Variants in NRK observed in about 807,000 individuals in gnomAD.
The protein encoded by NRK is nik-related protein kinase.
A neutral mutation model predicts 125.2 loss-of-function variants in NRK; 67 were observed. The observed-to-expected ratio is 0.54, with a 90% CI of 0.44 to 0.66. The LOEUF (loss-of-function observed/expected upper bound fraction) is 0.66, where lower values mean the gene tolerates loss of function less well. Among genes scored for constraint, NRK ranks in the 30% least tolerant of loss-of-function variants. The pLI, the probability that NRK is intolerant of heterozygous loss-of-function variation, is 0.00. For synonymous variants in NRK, 458 were observed against 429.0 expected (o/e 1.07, Z -0.84); for missense variants, 1,224 against 1,192.9 (o/e 1.03, Z -0.38).
chrX:105,879,795 A>G (rs2039862760), intron 2 of NRK, among the ~76,000 whole-genome samples: 2 of 111,203 alleles, frequency 1.8e-5, no homozygotes, highest in South Asian at 7.5e-4. Context: ...GTTTAGTACA[A>G]CAACTCGTTT....
chrX:105,934,801 G>C (rs1383828560), intron 20 of NRK, among the ~76,000 whole-genome samples: 1 of 111,858 alleles, frequency 8.9e-6, no homozygotes, highest in Non-Finnish European at 1.9e-5. Flanking sequence ...ACAATAAAAG[G>C]AAAGAAATTT....
chrX:105,880,123 T>C, intron 2 of NRK, 76 bp from the exon 3 acceptor site: 1 of 426,276 alleles, frequency 2.3e-6, no homozygotes, highest in Non-Finnish European at 3.9e-6. Flanking sequence ...AATTTTAATA[T>C]TTTCTACTTT....
chrX:105,932,375 C>T (rs2040606844), intron 19 of NRK, among the ~76,000 whole-genome samples: 1 of 111,758 alleles, frequency 8.9e-6, no homozygotes, highest in Non-Finnish European at 1.9e-5. Flanking sequence ...ATCATGTAAT[C>T]AGGCTATGCT....
At chrX:105,844,019 CTGTG>C (rs1178483710) in intron 2 of NRK, among the ~76,000 whole-genome samples, 6,303 of 63,108 alleles carry the variant, frequency 0.1, 464 homozygotes, top group African/African-American at 0.29. Flanking sequence ...GTGTGTGTGT[CTGTG>C]TGTGTGTGTG....
chrX:105,827,655 TA>T (rs1177839185), intron 1 of NRK, among the ~76,000 whole-genome samples: 1 of 112,173 alleles, frequency 8.9e-6, no homozygotes, highest in Non-Finnish European at 1.9e-5. Flanking sequence ...CTAGGACTTT[TA>T]AACTGCAGGA....
rs182360321 is a variant in NRK at position 105,886,832 on chromosome X, A to G, written c.253-1462A>G. Among the ~76,000 whole-genome samples the G allele has an allele frequency of 4.1e-4, 46 of 111,129 alleles. No individual in the cohort carries two copies. In the East Asian group the frequency reaches 0.012, roughly 29 times the overall value. ...TAAAAGATCAGCACAGAACAAACCA[A>G]TACCTTTAAAATGTAAAGGATTACC... On this transcript the variant is annotated intron_variant, in intron 4 of 28. Coordinates refer to ENST00000243300, the MANE Select transcript of NRK (RefSeq NM_198465.4).
intron 25 of NRK, 31 bp downstream of exon 25, chrX:105,946,046 C>G (rs768366547): frequency 1.4e-5 from 16 of 1,175,391 alleles, no homozygotes; most frequent in East Asian, 6.0e-5. Context: ...AAACAGAATG[C>G]AGGGTCATAC....
chrX:105,848,617 A>G (rs374010014), intron 2 of NRK, among the ~76,000 whole-genome samples: 7 of 112,389 alleles, frequency 6.2e-5, no homozygotes, highest in African/African-American at 2.3e-4. Context: ...TCATCAAAAT[A>G]CAAGGAGAAA....
intron 1 of NRK, 91 bp downstream of exon 1, chrX:105,822,993 C>G (rs2039042546): frequency 1.2e-6 from 1 of 834,691 alleles, no homozygotes; most frequent in Non-Finnish European, 1.7e-6. Flanking sequence ...TCAAAACGGG[C>G]TAGACCAGGA....
intron 2 of NRK, among the ~76,000 whole-genome samples, chrX:105,878,780 C>T (rs1386013284): frequency 1.8e-5 from 2 of 111,478 alleles, no homozygotes; most frequent in Non-Finnish European, 3.8e-5. Flanking sequence ...TTTCCTTGTG[C>T]CTTGATTACT....
intron 2 of NRK, among the ~76,000 whole-genome samples, chrX:105,870,791 C>T (rs1253536755): frequency 9.0e-6 from 1 of 111,713 alleles, no homozygotes; most frequent in Non-Finnish European, 1.9e-5. Context: ...ACTGAAACTA[C>T]GAAGGCTGTC....
chrX:105,915,666 A>C (rs1411170213), intron 14 of NRK, 64 bp from the exon 15 acceptor site: 1 of 553,177 alleles, frequency 1.8e-6, no homozygotes, highest in African/African-American at 2.3e-5. Flanking sequence ...TTTTCCCACA[A>C]ATTAAGAGCT....
chrX:105,905,627 C>A (rs1406477886), intron 10 of NRK, among the ~76,000 whole-genome samples: 1 of 112,552 alleles, frequency 8.9e-6, no homozygotes, highest in Admixed American at 9.4e-5. Context: ...GAACTGATGG[C>A]AACTATTTGT....
At chrX:105,935,577 G>C (rs1017700125) in intron 21 of NRK, among the ~76,000 whole-genome samples, 9 of 108,344 alleles carry the variant, frequency 8.3e-5, no homozygotes, top group Non-Finnish European at 1.1e-4. Context: ...GGTGGATCAC[G>C]AGGTCAGGAG....
intron 2 of NRK, among the ~76,000 whole-genome samples, chrX:105,835,093 A>G (rs1443125601): frequency 3.6e-5 from 4 of 111,857 alleles, no homozygotes; most frequent in Non-Finnish European, 1.9e-5. Flanking sequence ...TTTAAATGAC[A>G]TAGTATGTAG....
intron 19 of NRK, among the ~76,000 whole-genome samples, chrX:105,929,921 A>G (rs1471540376): frequency 1.8e-5 from 2 of 111,552 alleles, no homozygotes; most frequent in South Asian, 3.7e-4. Flanking sequence ...CCTGGCTTGT[A>G]AGGTTTCTGT....
intron 2 of NRK, among the ~76,000 whole-genome samples, chrX:105,874,273 G>A (rs1269222729): frequency 8.9e-6 from 1 of 111,954 alleles, no homozygotes; most frequent in Non-Finnish European, 1.9e-5. Context: ...ATGCCCAAAG[G>A]CAGAGGACAG....
intron 8 of NRK, among the ~76,000 whole-genome samples, chrX:105,899,939 G>A: frequency 9.1e-6 from 1 of 110,085 alleles, no homozygotes; most frequent in East Asian, 2.9e-4. Context: ...TCGCACTCCA[G>A]CCTGGGCGAC....
At chrX:105,853,844 T>C (rs1237505543) in intron 2 of NRK, among the ~76,000 whole-genome samples, 1 of 112,349 alleles carries the variant, frequency 8.9e-6, no homozygotes, top group Non-Finnish European at 1.9e-5. Context: ...CCTAAAAGTT[T>C]AGAAATACAT....
Sources: gnomAD v4.1 joint callset for allele counts (sites outside exome capture counted in the v4.1 genomes callset) on GRCh38, gnomAD v4.1.1 for gene constraint, MANE v1.5 for transcripts, NCBI Gene and HGNC (gene_info 2026-07-23, HGNC 2026-07-21) for gene names.